Variants in FGGY observed in about 807,000 individuals in gnomAD.
The protein encoded by FGGY is FGGY carbohydrate kinase domain-containing protein.
FGGY carries 72 observed loss-of-function variants against 71.3 expected under a neutral mutation model. The ratio of observed to expected loss-of-function variants is 1.01; its 90% confidence interval spans 0.84 to 1.23. The LOEUF is 1.23. FGGY is among the 50% of genes most tolerant of loss of function. The pLI, the probability that FGGY is intolerant of heterozygous loss-of-function variation, is 0.00. For missense variants in FGGY, 668 were observed against 682.3 expected (o/e 0.98, Z 0.23); for synonymous variants, 251 against 250.3 (o/e 1.00, Z -0.02).
chr1:59,694,535 A>G (rs2097637879), intron 14 of FGGY, among the ~76,000 whole-genome samples: 1 of 152,142 alleles, frequency 6.6e-6, no homozygotes, highest in African/African-American at 2.4e-5. Flanking sequence ...AGGGACAACC[A>G]GGACAAAGAA....
chr1:59,371,991 TAAAAG>T (rs1557703592), intron 4 of FGGY, among the ~76,000 whole-genome samples: 3 of 151,654 alleles, frequency 2.0e-5, no homozygotes, highest in Non-Finnish European at 4.4e-5. Flanking sequence ...ACATCACAAT[TAAAAG>T]AACTAGAAAA....
At chr1:59,426,790 A>G (rs1474006463) in intron 5 of FGGY, among the ~76,000 whole-genome samples, 2 of 152,166 alleles carry the variant, frequency 1.3e-5, no homozygotes, top group African/African-American at 4.8e-5. Context: ...TGGTTGCAGT[A>G]AATATTTGTT....
intron 14 of FGGY, among the ~76,000 whole-genome samples, chr1:59,739,978 G>A (rs983562070): frequency 2.6e-5 from 4 of 152,138 alleles, no homozygotes; most frequent in African/African-American, 7.2e-5. Context: ...CTGGGTTGAC[G>A]CAGGTTAGCT....
At chr1:59,510,933 A>C (rs2094503651) in intron 6 of FGGY, among the ~76,000 whole-genome samples, 1 of 152,234 alleles carries the variant, frequency 6.6e-6, no homozygotes, top group South Asian at 2.1e-4. Context: ...ACTGAATTTA[A>C]TATCAGTTTT....
At chr1:59,465,018 C>T (rs2092523936) in intron 6 of FGGY, among the ~76,000 whole-genome samples, 1 of 152,184 alleles carries the variant, frequency 6.6e-6, no homozygotes, top group Non-Finnish European at 1.5e-5. Flanking sequence ...TTTTATGAGG[C>T]CAGCATCATC....
Position 59,637,112 on chromosome 1 carries a change from G to A in FGGY, c.1074-1116G>A, listed in dbSNP as rs139645099. Among the ~76,000 whole-genome samples the A allele has an allele frequency of 2.8e-4, 43 of 152,232 alleles. No individual in the cohort carries two copies. In the East Asian group the frequency reaches 7.3e-3, roughly 26 times the overall value. On this transcript the variant is annotated intron_variant, in intron 10 of 15. Coordinates refer to ENST00000303721, the MANE Select transcript of FGGY (RefSeq NM_018291.5). Reference sequence around the variant, plus strand: ...TGTGTCATGTGGTGTGATTTAACCCGGTGAGGTAGGTGTTATTAAACCTAT... The same window carrying A: ...TGTGTCATGTGGTGTGATTTAACCCAGTGAGGTAGGTGTTATTAAACCTAT...
chr1:59,673,063 C>T (rs2097397015), intron 13 of FGGY, among the ~76,000 whole-genome samples: 1 of 152,064 alleles, frequency 6.6e-6, no homozygotes, highest in Non-Finnish European at 1.5e-5. Context: ...AGTCACTTAC[C>T]ATGTGCTAGA....
At chr1:59,535,361 A>T (rs916324421) in intron 7 of FGGY, among the ~76,000 whole-genome samples, 1 of 152,158 alleles carries the variant, frequency 6.6e-6, no homozygotes, top group African/African-American at 2.4e-5. Context: ...AAAGAGACTT[A>T]GACTCCCACA....
At chr1:59,550,799 G>A (rs1426829504) in intron 7 of FGGY, among the ~76,000 whole-genome samples, 1 of 152,144 alleles carries the variant, frequency 6.6e-6, no homozygotes, top group East Asian at 1.9e-4. Flanking sequence ...ACATCATAAA[G>A]TGAGGAGTAT....
At chr1:59,458,119 A>G (rs1420034816) in intron 6 of FGGY, among the ~76,000 whole-genome samples, 1 of 152,262 alleles carries the variant, frequency 6.6e-6, no homozygotes, top group Non-Finnish European at 1.5e-5. Flanking sequence ...ACTGGAACAC[A>G]AATTTCAGCT....
Position 59,538,055 on chromosome 1 carries a change from C to T in FGGY, c.800-16069C>T, listed in dbSNP as rs150428674. Among the ~76,000 whole-genome samples, 1,053 of 152,256 alleles carry T rather than the reference C, an allele frequency of 6.9e-3. 11 individuals carry two copies. The highest frequency in any genetic ancestry group is 0.024 in the African/African-American group (986 of 41,532). On this transcript the variant is annotated intron_variant, in intron 7 of 15. Coordinates refer to ENST00000303721, the MANE Select transcript of FGGY (RefSeq NM_018291.5). ...CAAAAGAAACTACCATCAGACTGAA[C>T]AGGCAACCTACAAAATGGGAGAAAA... is the stretch of plus-strand genomic sequence containing the variant.
intron 5 of FGGY, among the ~76,000 whole-genome samples, chr1:59,382,744 A>G (rs769936334): frequency 1.3e-5 from 2 of 152,202 alleles, no homozygotes; most frequent in Non-Finnish European, 2.9e-5. Context: ...TGTATGGGCA[A>G]TACCCCATTG....
chr1:59,300,679 G>A (rs1250976210), intron 1 of FGGY, among the ~76,000 whole-genome samples: 1 of 145,958 alleles, frequency 6.9e-6, no homozygotes, highest in Non-Finnish European at 1.5e-5. Context: ...CATGAAATAT[G>A]GAATCAAGTT....
At chr1:59,541,678 G>T (rs1233278603) in intron 7 of FGGY, among the ~76,000 whole-genome samples, 1 of 152,138 alleles carries the variant, frequency 6.6e-6, no homozygotes, top group Non-Finnish European at 1.5e-5. Flanking sequence ...AGAAAAATCA[G>T]AAGGAGAATG....
At chr1:59,325,154 C>T (rs574126287) in intron 2 of FGGY, among the ~76,000 whole-genome samples, 1 of 152,082 alleles carries the variant, frequency 6.6e-6, no homozygotes, top group South Asian at 2.1e-4. Context: ...GAGATTGAGA[C>T]CATCCTGGTT....
At position 59,380,825 on chromosome 1, in the gene FGGY, T is replaced by C. The variant is rs530997230; in HGVS notation, c.554+1988T>C. 4.6e-5 allele frequency among the ~76,000 whole-genome samples: 7 copies of C among 151,758 alleles called. No individual in the cohort carries two copies. In the East Asian group the frequency reaches 1.3e-3, roughly 29 times the overall value. On this transcript the variant is annotated intron_variant, in intron 5 of 15. Coordinates refer to ENST00000303721, the MANE Select transcript of FGGY (RefSeq NM_018291.5). ...GATCCCATTTGTCAATTTTGGCTTT[T>C]GTTGCCATTGCTTTTGGTGTTTTAG...
intron 11 of FGGY, among the ~76,000 whole-genome samples, chr1:59,657,368 C>T (rs2097229262): frequency 6.6e-6 from 1 of 152,184 alleles, no homozygotes; most frequent in African/African-American, 2.4e-5. Flanking sequence ...TGGACAGGCT[C>T]TAGAACAGTG....
At chr1:59,624,260 G>A (rs1156994470) in intron 9 of FGGY, among the ~76,000 whole-genome samples, 1 of 152,018 alleles carries the variant, frequency 6.6e-6, no homozygotes, top group Non-Finnish European at 1.5e-5. Context: ...TTAAGAACAA[G>A]GTCTTAAAAT....
At chr1:59,477,956 A>G (rs935522053) in intron 6 of FGGY, among the ~76,000 whole-genome samples, 1 of 152,188 alleles carries the variant, frequency 6.6e-6, no homozygotes, top group African/African-American at 2.4e-5. Flanking sequence ...TATTTTTAAA[A>G]TGCACTTTGG....
Sources: gnomAD v4.1 joint callset for allele counts (sites outside exome capture counted in the v4.1 genomes callset) on GRCh38, gnomAD v4.1.1 for gene constraint, MANE v1.5 for transcripts, NCBI Gene and HGNC (gene_info 2026-07-23, HGNC 2026-07-21) for gene names.